DTD1: variants seen among roughly 807,000 people sequenced by gnomAD.
DTD1 encodes the protein D-aminoacyl-tRNA deacylase 1.
DTD1 carries 13 observed loss-of-function variants against 25.6 expected under a neutral mutation model. The ratio of observed to expected loss-of-function variants is 0.51; its 90% CI spans 0.33 to 0.81. The LOEUF (loss-of-function observed/expected upper bound fraction) is 0.81. Ranked by LOEUF, DTD1 falls within the 30% of genes least tolerant of loss-of-function variation. The pLI is 0.02. For missense variants in DTD1, 193 were observed against 266.4 expected (o/e 0.72, Z 1.92); for synonymous variants, 110 against 103.6 (o/e 1.06, Z -0.37).
In DTD1 at chr20:18,598,302, G is replaced by A. The variant is rs922036025; in HGVS notation, c.370+2061G>A. ...CTTCATCCATGTCCCTGCAAAGGACGTGAACTCATCCTTTTTTATGGCTCA... is the reference window on the plus strand; with the variant it reads ...CTTCATCCATGTCCCTGCAAAGGACATGAACTCATCCTTTTTTATGGCTCA... On this transcript the variant is annotated intron_variant, in intron 3 of 5. Transcript: ENST00000377452. 5.9e-5 allele frequency among the ~76,000 whole-genome samples: 9 copies of A among 152,124 alleles called. No individual in the cohort carries two copies. In the South Asian group the frequency reaches 1.0e-3, roughly 17 times the overall value.
intron 5 of DTD1, among the ~76,000 whole-genome samples, chr20:18,753,343 T>C (rs6081355): frequency 0.59 from 89,566 of 151,910 alleles, 26,906 homozygotes; most frequent in Non-Finnish European, 0.63. Flanking sequence ...TGTGGTGGCT[T>C]ATGCCTGTAA....
At chr20:18,665,855 AC>A (rs1386882819) in intron 4 of DTD1, among the ~76,000 whole-genome samples, 1 of 152,218 alleles carries the variant, frequency 6.6e-6, no homozygotes, top group Non-Finnish European at 1.5e-5. Flanking sequence ...TTTTAGATTT[AC>A]AGAAAAGTTG....
chr20:18,759,360 T>C lies in DTD1; in HGVS notation c.*20-4000T>C, dbSNP rs572836061. 2.0e-5 allele frequency among the ~76,000 whole-genome samples: 3 copies of C among 152,380 alleles called. No individual in the cohort carries two copies. The South Asian group carries it at 6.2e-4, about 32-fold the overall frequency. On this transcript the variant is annotated intron_variant, in intron 5 of 5. Transcript: ENST00000377452. ...TGGTCTTTACAATTTGGCATGTTTT[T>C]GCAGTGGCTGGTACCTTTGTTCCTT... is the stretch of plus-strand genomic sequence containing the variant.
intron 4 of DTD1, chr20:18,643,760 C>T (rs1406728752): frequency 6.6e-6 from 1 of 152,152 alleles, no homozygotes; most frequent in Non-Finnish European, 1.5e-5. Context: ...TTTTCATGAC[C>T]TTGAGTCTCT....
At chr20:18,594,361 G>A (rs1305935872) in intron 2 of DTD1, among the ~76,000 whole-genome samples, 1 of 152,140 alleles carries the variant, frequency 6.6e-6, no homozygotes, top group Non-Finnish European at 1.5e-5. Flanking sequence ...GGTTGCCATT[G>A]CTGCTGCCTG....
At position 18,749,656 on chromosome 20, in the gene DTD1, C is replaced by A. The variant is rs532072125; in HGVS notation, c.*19+5385C>A. On this transcript the variant is annotated intron_variant, in intron 5 of 5. Coordinates refer to ENST00000377452, the MANE Select transcript of DTD1 (RefSeq NM_080820.6). The surrounding 1 kb of genome is among the most constrained non-coding windows in gnomAD (Gnocchi z 4.2). The stretch of plus-strand genomic sequence containing the variant: ...ACGAGGCCAGGTCAGCCAGAGAGGG[C>A]CTTGGGTCCCTGAGCAAGAGACACC... Among the ~76,000 whole-genome samples, 41 of 152,284 alleles carry A rather than the reference C, an allele frequency of 2.7e-4. No individual in the cohort carries two copies. The highest frequency in any genetic ancestry group is 9.9e-4 in the African/African-American group (41 of 41,554).
At chr20:18,713,136 CCGG>C (rs1015560950) in intron 4 of DTD1, among the ~76,000 whole-genome samples, 26 of 152,402 alleles carry the variant, frequency 1.7e-4, no homozygotes, top group African/African-American at 6.3e-4. Context: ...GGCTGGCCCT[CCGG>C]GCATCTTTTG....
intron 5 of DTD1, among the ~76,000 whole-genome samples, chr20:18,751,647 C>T (rs558241944): frequency 1.3e-5 from 2 of 152,234 alleles, no homozygotes; most frequent in South Asian, 4.1e-4. Flanking sequence ...CATGCACCAA[C>T]ATGCCTGGCT....
chr20:18,667,125 G>T (rs2060934427), intron 4 of DTD1, among the ~76,000 whole-genome samples: 1 of 152,194 alleles, frequency 6.6e-6, no homozygotes, highest in Admixed American at 6.5e-5. Context: ...CTACGTGGTG[G>T]GGATGCCAAA....
chr20:18,696,715 C>T (rs1338342759), intron 4 of DTD1, among the ~76,000 whole-genome samples: 1 of 151,868 alleles, frequency 6.6e-6, no homozygotes, highest in African/African-American at 2.4e-5. Context: ...CCACCACACC[C>T]AGCTAATCTT....
At chr20:18,746,997 G>A (rs575518058) in intron 5 of DTD1, among the ~76,000 whole-genome samples, 3 of 152,236 alleles carry the variant, frequency 2.0e-5, no homozygotes, top group South Asian at 2.1e-4. Context: ...GGGAAGGGAC[G>A]TCACATAAAA....
At chr20:18,762,813 T>C (rs1172525936) in intron 5 of DTD1, among the ~76,000 whole-genome samples, 1 of 152,144 alleles carries the variant, frequency 6.6e-6, no homozygotes, top group Non-Finnish European at 1.5e-5. Context: ...CTTGCCTTTT[T>C]CTGTTTGAAA....
intron 4 of DTD1, among the ~76,000 whole-genome samples, chr20:18,669,270 C>T (rs755628972): frequency 1.4e-4 from 21 of 152,180 alleles, no homozygotes; most frequent in Admixed American, 7.2e-4. Context: ...CAGGGTTTGC[C>T]AGCAGGGTCC....
At chr20:18,735,419 G>C (rs1370442310) in intron 4 of DTD1, among the ~76,000 whole-genome samples, 1 of 152,256 alleles carries the variant, frequency 6.6e-6, no homozygotes, top group Non-Finnish European at 1.5e-5. Context: ...TTGGCCAGGA[G>C]TCCTGAGACC....
Position 18,632,141 on chromosome 20 carries a change from C to T in DTD1, c.477+3908C>T, listed in dbSNP as rs531060453. Reference sequence around the variant, plus strand: ...ATGTAGATCAGAGCATCATGCTGTACACCTTATACAATAAATCCCTCTCCC... The same window carrying T: ...ATGTAGATCAGAGCATCATGCTGTATACCTTATACAATAAATCCCTCTCCC... On this transcript the variant is annotated intron_variant, in intron 4 of 5. Transcript: ENST00000377452. 9.1e-6 allele frequency: 9 copies of T among 983,780 alleles called. No individual in the cohort carries two copies. The South Asian group carries it at 2.4e-4, about 26-fold the overall frequency. The allele number at this position is 983,780 out of a possible 1,614,324, so 60.9% of individuals were successfully genotyped here.
intron 4 of DTD1, among the ~76,000 whole-genome samples, chr20:18,709,448 C>T (rs910364302): frequency 2.0e-5 from 3 of 152,154 alleles, no homozygotes; most frequent in Non-Finnish European, 2.9e-5. Flanking sequence ...CCTTCCATTT[C>T]TTTCTGGAAG....
intron 4 of DTD1, among the ~76,000 whole-genome samples, chr20:18,743,298 A>G (rs747296864): frequency 4.6e-5 from 7 of 152,200 alleles, no homozygotes; most frequent in Admixed American, 1.3e-4. Context: ...TTCAGTCTCA[A>G]ATCAACTGGT....
At chr20:18,693,842 G>A (rs1169980517) in intron 4 of DTD1, among the ~76,000 whole-genome samples, 1 of 152,092 alleles carries the variant, frequency 6.6e-6, no homozygotes, top group Non-Finnish European at 1.5e-5. Context: ...ATCAGTAAAC[G>A]AGCAGGACGT....
chr20:18,589,577 C>A (rs992260136), intron 1 of DTD1, among the ~76,000 whole-genome samples: 3 of 152,076 alleles, frequency 2.0e-5, no homozygotes, highest in Non-Finnish European at 2.9e-5. Flanking sequence ...AATTTTAAAG[C>A]TTTTATAACA....
Sources: gnomAD v4.1 joint callset for allele counts (sites outside exome capture counted in the v4.1 genomes callset) on GRCh38, gnomAD v4.1.1 for gene constraint, Gnocchi (gnomAD v3.1) non-coding constraint, MANE v1.5 for transcripts, NCBI Gene and HGNC (gene_info 2026-07-23, HGNC 2026-07-21) for gene names.